Variants in PARD3B observed in about 807,000 individuals in gnomAD.
PARD3B encodes the protein par-3 family cell polarity regulator beta, also known as partitioning defective 3 homolog B.
Under a neutral mutation model 130.2 loss-of-function variants are expected in PARD3B, and 103 were observed. That is an observed-to-expected ratio of 0.79 (90% confidence interval 0.67 to 0.93). The LOEUF is 0.93. Among genes scored for constraint, PARD3B ranks in the 40% least tolerant of loss-of-function variants. The pLI, the probability that PARD3B is intolerant of heterozygous loss-of-function variation, is 0.00. For missense variants in PARD3B, 1,609 were observed against 1,499.2 expected (o/e 1.07, Z -1.21); for synonymous variants, 583 against 553.2 (o/e 1.05, Z -0.76).
intron 2 of PARD3B, among the ~76,000 whole-genome samples, chr2:204,762,297 A>G (rs1277875459): frequency 1.3e-5 from 2 of 151,308 alleles, no homozygotes; most frequent in African/African-American, 4.9e-5. Flanking sequence ...AATTTTTTGT[A>G]GAGATGGGGT....
chr2:205,275,292 C>T (rs948394338), intron 16 of PARD3B, among the ~76,000 whole-genome samples: 30 of 151,642 alleles, frequency 2.0e-4, no homozygotes, highest in South Asian at 1.0e-3. Context: ...TATGAGAAGA[C>T]GAAAGATAAT....
At chr2:204,755,677 C>T (rs2040638585) in intron 2 of PARD3B, among the ~76,000 whole-genome samples, 2 of 152,078 alleles carry the variant, frequency 1.3e-5, no homozygotes, top group African/African-American at 4.8e-5. Flanking sequence ...TAATTACATG[C>T]ATTCATTCAT....
chr2:204,647,171 TGTA>T (rs911873310), intron 1 of PARD3B, among the ~76,000 whole-genome samples: 5 of 152,070 alleles, frequency 3.3e-5, no homozygotes, highest in Admixed American at 1.3e-4. Context: ...GGTATCTCAT[TGTA>T]GTTTTAATTA....
chr2:204,923,302 G>A (rs1042777690), intron 2 of PARD3B, among the ~76,000 whole-genome samples: 2 of 151,800 alleles, frequency 1.3e-5, no homozygotes, highest in African/African-American at 4.8e-5. Context: ...TTGTTCAGTT[G>A]TTTTGCTTTT....
intron 1 of PARD3B, among the ~76,000 whole-genome samples, chr2:204,635,263 C>T (rs1003391616): frequency 6.6e-6 from 1 of 152,014 alleles, no homozygotes; most frequent in African/African-American, 2.4e-5. Context: ...AGCTGTTTCT[C>T]CTTGGAGCTT....
At chr2:204,939,572 A>T (rs562209261) in intron 2 of PARD3B, among the ~76,000 whole-genome samples, 4 of 152,274 alleles carry the variant, frequency 2.6e-5, no homozygotes, top group Admixed American at 2.6e-4. Flanking sequence ...GGTATTTAGA[A>T]AATTAACTTT....
At chr2:205,166,808 G>T (rs1389518407) in intron 11 of PARD3B, among the ~76,000 whole-genome samples, 1 of 152,124 alleles carries the variant, frequency 6.6e-6, no homozygotes, top group East Asian at 1.9e-4. Flanking sequence ...GGGAACATCT[G>T]CTCTGCAACC....
rs866894990 is a variant in PARD3B, at chr2:204,736,636, T to C, written c.222+50354T>C. On this transcript the variant is annotated intron_variant, in intron 2 of 22. Transcript: ENST00000406610. ...TGTTCTTTTTAATAGCTGAGTAGTA[T>C]TCCATAGTGTATATGTACCACATTT... 3.3e-5 allele frequency among the ~76,000 whole-genome samples: 5 copies of C among 152,332 alleles called. No individual in the cohort carries two copies. In the South Asian group the frequency reaches 1.0e-3, roughly 32 times the overall value.
intron 4 of PARD3B, among the ~76,000 whole-genome samples, chr2:205,096,431 G>A (rs748375998): frequency 9.9e-5 from 15 of 152,110 alleles, no homozygotes; most frequent in Non-Finnish European, 2.1e-4. Flanking sequence ...AAATCATTCA[G>A]CATCTCTTGC....
rs934698084 is a variant in PARD3B, at chr2:205,011,539, C to A, written c.395-36042C>A. Among the ~76,000 whole-genome samples the A allele has an allele frequency of 6.6e-6, 1 of 152,184 alleles. No individual in the cohort carries two copies. The highest frequency in any genetic ancestry group is 2.4e-5 in the African/African-American group (1 of 41,444). ...GTACTTCTTTCTGTCATATTTTATT[C>A]ATCGCACAGACCAACCTTGGTGCAC... On this transcript the variant is annotated intron_variant, in intron 3 of 22. Coordinates refer to ENST00000406610, the MANE Select transcript of PARD3B (RefSeq NM_001302769.2). The surrounding 1 kb of genome is among the most constrained non-coding windows in gnomAD (Gnocchi z 4.1).
At chr2:204,842,510 A>T (rs1425403641) in intron 2 of PARD3B, among the ~76,000 whole-genome samples, 7 of 152,152 alleles carry the variant, frequency 4.6e-5, no homozygotes, top group Non-Finnish European at 5.9e-5. Context: ...AGGTAAGAGG[A>T]TCTGTGCCAG....
chr2:205,298,681 A>G (rs551366120), intron 16 of PARD3B, among the ~76,000 whole-genome samples: 1 of 152,352 alleles, frequency 6.6e-6, no homozygotes, highest in Non-Finnish European at 1.5e-5. Flanking sequence ...TGATGAAACT[A>G]TAACGCAACA....
At chr2:205,184,728 C>G (rs1367834281) in intron 13 of PARD3B, among the ~76,000 whole-genome samples, 1 of 151,446 alleles carries the variant, frequency 6.6e-6, no homozygotes, top group African/African-American at 2.4e-5. Context: ...GGTGGCAGAG[C>G]GAGACTCCAT....
intron 18 of PARD3B, among the ~76,000 whole-genome samples, chr2:205,318,754 G>C (rs968854830): frequency 6.6e-6 from 1 of 152,026 alleles, no homozygotes; most frequent in African/African-American, 2.4e-5. Context: ...CATCCCCTGG[G>C]CTGATCAAAC....
At chr2:205,529,356 C>T (rs745625042) in intron 21 of PARD3B, among the ~76,000 whole-genome samples, 14 of 152,250 alleles carry the variant, frequency 9.2e-5, no homozygotes, top group Admixed American at 2.6e-4. Flanking sequence ...TGTAATTTGT[C>T]GGGTGTGACA....
chr2:204,822,331 C>G (rs1466678384), intron 2 of PARD3B, among the ~76,000 whole-genome samples: 1 of 152,176 alleles, frequency 6.6e-6, no homozygotes, highest in Non-Finnish European at 1.5e-5. Context: ...GGAATTGCTT[C>G]TTCTGGATGA....
At position 204,734,944 on chromosome 2, in the gene PARD3B, G is replaced by A. The variant is rs200039041; in HGVS notation, c.222+48662G>A. ...AATAGGACCATAGTGGTATTTGAGG[G>A]GAAAAGAGGTAGGGGTGATGGGTGT... On this transcript the variant is annotated intron_variant, in intron 2 of 22. Transcript: ENST00000406610. Among the ~76,000 whole-genome samples, 4 of 152,006 alleles carry A rather than the reference G, an allele frequency of 2.6e-5. No individual in the cohort carries two copies. The East Asian group carries it at 7.7e-4, about 29-fold the overall frequency.
At chr2:204,787,002 T>C (rs2042032682) in intron 2 of PARD3B, among the ~76,000 whole-genome samples, 1 of 152,120 alleles carries the variant, frequency 6.6e-6, no homozygotes, top group South Asian at 2.1e-4. Context: ...CTTTAGAGTC[T>C]AGATCAACAA....
At chr2:204,739,877 C>T (rs1230189073) in intron 2 of PARD3B, among the ~76,000 whole-genome samples, 2 of 151,578 alleles carry the variant, frequency 1.3e-5, no homozygotes, top group Non-Finnish European at 2.9e-5. Flanking sequence ...AATAAAGCTT[C>T]TCAGCTTTAT....
Sources: allele counts gnomAD v4.1 joint callset (sites outside exome capture counted in the v4.1 genomes callset), GRCh38; gene constraint gnomAD v4.1.1; non-coding constraint Gnocchi (gnomAD v3.1); transcripts MANE v1.5; gene names NCBI Gene and HGNC (gene_info 2026-07-23, HGNC 2026-07-21).